The following AGBL3 variants were observed in gnomAD, a reference collection of about 807,000 sequenced individuals.
AGBL3 encodes AGBL carboxypeptidase 3, also known as cytosolic carboxypeptidase 3.
In AGBL3, 68 loss-of-function variants were observed where a neutral mutation model predicts 94.5. The ratio of observed to expected loss-of-function variants is 0.72; its 90% CI spans 0.59 to 0.88. The LOEUF is 0.88. Ranked by LOEUF, AGBL3 falls within the 40% of genes least tolerant of loss-of-function variation. AGBL3 has a pLI of 0.00. For synonymous variants in AGBL3, 354 were observed against 370.7 expected (o/e 0.95, Z 0.52); for missense variants, 934 against 1,103.8 (o/e 0.85, Z 2.18).
intron 12 of AGBL3, among the ~76,000 whole-genome samples, chr7:135,070,015 A>G (rs1819728682): frequency 6.6e-6 from 1 of 152,226 alleles, no homozygotes; most frequent in Admixed American, 6.5e-5. Flanking sequence ...AGAATCAAAT[A>G]GACACAATAA....
chr7:135,034,379 T>G lies in AGBL3; in HGVS notation c.788T>G (p.Ile263Ser). ...HIGWQRIGDQ[I>S]KYYRNNPGQD... ...GGCTGGCAGAGAATAGGAGACCAAA[T>G]CAAGTATTATAGGAACAACCCAGGC... The change falls in exon 7 of 17, where the codon ATC (isoleucine) becomes AGC (serine). Residue 263 changes from isoleucine (I) to serine (S), a missense_variant. This residue lies in a region of AGBL3 where 488 missense variants were observed against 563.6 expected (regional missense o/e 0.87). Transcript: ENST00000436302. 1 of 1,551,604 alleles carries G rather than the reference T, an allele frequency of 6.4e-7. No homozygotes were observed. The highest frequency in any genetic ancestry group is 8.7e-7 in the Non-Finnish European group (1 of 1,146,944).
chr7:135,101,344 T>G, intron 15 of AGBL3: 1 of 423,946 alleles, frequency 2.4e-6, no homozygotes, highest in Admixed American at 2.6e-5. Context: ...ATATCATCAT[T>G]AACATATCCT....
chr7:135,045,579 G>A lies in AGBL3; in HGVS notation c.1728+5G>A. 3 of 1,548,878 alleles carry A rather than the reference G, an allele frequency of 1.9e-6. No homozygotes were observed. The highest frequency in any genetic ancestry group is 2.6e-6 in the Non-Finnish European group (3 of 1,144,656). On this transcript the variant is annotated splice_donor_5th_base_variant and intron_variant, in intron 10 of 16. Transcript: ENST00000436302. ...TGTGATCCCGACCGGACCAAGGTAA[G>A]CAAAGTCCATTTGGTAATGCATCAG...
At chr7:135,102,736 C>G (rs538743085) in intron 15 of AGBL3, among the ~76,000 whole-genome samples, 7 of 151,676 alleles carry the variant, frequency 4.6e-5, no homozygotes, top group African/African-American at 9.7e-5. Context: ...AAAATTAACC[C>G]TAACCCTTGT....
chr7:135,093,508 AT>A lies in AGBL3; in HGVS notation c.2110+11720del, dbSNP rs543438753. 250 of 152,338 alleles carry A rather than the reference AT, an allele frequency of 1.6e-3. 2 individuals carry two copies. Among genetic ancestry groups the A allele is most frequent in the African/African-American group, 5.9e-3 (247 of 41,590 alleles). The allele number at this position is 152,338 out of a possible 1,614,324, so 9.4% of individuals were successfully genotyped here. The stretch of plus-strand genomic sequence containing the variant: ...AAATTAAGAAAACAATTCCATTTAC[AT>A]TAGCATCAAAAAGAACAAAATACTT... On this transcript the variant is annotated intron_variant, in intron 15 of 16. Transcript: ENST00000436302.
At chr7:135,060,251 C>G (rs1818706396) in intron 12 of AGBL3, among the ~76,000 whole-genome samples, 1 of 152,082 alleles carries the variant, frequency 6.6e-6, no homozygotes, top group South Asian at 2.1e-4. Flanking sequence ...TTTGTGTCAT[C>G]ATTCTTCAAT....
At chr7:135,096,795 A>AAAGAAAG (rs1822968399) in intron 15 of AGBL3, among the ~76,000 whole-genome samples, 6 of 123,540 alleles carry the variant, frequency 4.9e-5, no homozygotes, top group Non-Finnish European at 5.4e-5. Context: ...AAGAAAGAAA[A>AAAGAAAG]AGGGAAGAAG....
intron 16 of AGBL3, among the ~76,000 whole-genome samples, chr7:135,122,494 G>A (rs1418403869): frequency 6.6e-6 from 1 of 152,168 alleles, no homozygotes; most frequent in Non-Finnish European, 1.5e-5. Context: ...CCAGACAAGT[G>A]GGTTTCCCCC....
intron 11 of AGBL3, among the ~76,000 whole-genome samples, chr7:135,047,585 A>G (rs1468881558): frequency 1.3e-5 from 2 of 151,892 alleles, no homozygotes; most frequent in African/African-American, 2.4e-5. Context: ...GCATGAGGTG[A>G]TATCTCATTG....
intron 15 of AGBL3, among the ~76,000 whole-genome samples, chr7:135,106,170 CA>C (rs1014511348): frequency 2.0e-5 from 3 of 152,082 alleles, no homozygotes; most frequent in Non-Finnish European, 4.4e-5. Context: ...ATGTTGTCTG[CA>C]AACAGGCATA....
chr7:134,999,469 C>T (rs1310348498), intron 4 of AGBL3, among the ~76,000 whole-genome samples: 1 of 152,204 alleles, frequency 6.6e-6, no homozygotes. Flanking sequence ...TCAGCCCATG[C>T]CTACATTCCT....
intron 4 of AGBL3, among the ~76,000 whole-genome samples, chr7:134,996,717 G>A (rs987491594): frequency 1.3e-5 from 2 of 152,152 alleles, no homozygotes; most frequent in African/African-American, 4.8e-5. Flanking sequence ...AAACAGAACT[G>A]CATAAATATC....
intron 12 of AGBL3, among the ~76,000 whole-genome samples, chr7:135,061,863 G>A (rs868111629): frequency 5.9e-5 from 9 of 151,908 alleles, no homozygotes; most frequent in South Asian, 2.1e-4. Flanking sequence ...TGGCTAGTTC[G>A]GCTCCTTTGT....
chr7:135,101,391 G>C, intron 15 of AGBL3: 2 of 365,310 alleles, frequency 5.5e-6, no homozygotes, highest in Non-Finnish European at 1.1e-5. Flanking sequence ...TTTGTAAAAG[G>C]ATGAGATTGA....
intron 16 of AGBL3, among the ~76,000 whole-genome samples, chr7:135,131,407 G>A (rs1055707610): frequency 1.6e-4 from 24 of 151,608 alleles, no homozygotes; most frequent in Admixed American, 5.3e-4. Flanking sequence ...AAACCTGCAC[G>A]TTCTGCACAT....
intron 4 of AGBL3, among the ~76,000 whole-genome samples, chr7:135,001,599 C>T (rs1051235729): frequency 6.6e-6 from 1 of 152,146 alleles, no homozygotes; most frequent in Non-Finnish European, 1.5e-5. Flanking sequence ...TCATTAAGAC[C>T]TTTGATCCCA....
At chr7:135,133,881 C>T (rs983912150) in intron 16 of AGBL3, among the ~76,000 whole-genome samples, 2 of 151,740 alleles carry the variant, frequency 1.3e-5, no homozygotes, top group African/African-American at 2.4e-5. Context: ...GTCACAGACT[C>T]AGCAATTATA....
At position 135,058,289 on chromosome 7, in the gene AGBL3, A is replaced by G. The variant is rs188119948; in HGVS notation, c.1842-880A>G. On this transcript the variant is annotated intron_variant, in intron 11 of 16. Coordinates refer to ENST00000436302, the MANE Select transcript of AGBL3 (RefSeq NM_178563.4). ...TAAATTATATTAATTTTAAAATAATACATAAAAAATACAACCCAGAAATAT... is the reference window on the plus strand; with the variant it reads ...TAAATTATATTAATTTTAAAATAATGCATAAAAAATACAACCCAGAAATAT... Among the ~76,000 whole-genome samples, 13 of 152,256 alleles carry G rather than the reference A, an allele frequency of 8.5e-5. No homozygotes were observed. The East Asian group carries it at 2.5e-3, about 29-fold the overall frequency.
chr7:135,056,678 C>A (rs1179834967), intron 11 of AGBL3, among the ~76,000 whole-genome samples: 1 of 151,578 alleles, frequency 6.6e-6, no homozygotes, highest in Non-Finnish European at 1.5e-5. Context: ...ATTAAAGCTA[C>A]CAAAATATGT....
Sources: gnomAD v4.1 joint callset for allele counts (sites outside exome capture counted in the v4.1 genomes callset) on GRCh38, gnomAD v4.1.1 for gene constraint, gnomAD v4.1.1 regional missense constraint, MANE v1.5 for transcripts, NCBI Gene and HGNC (gene_info 2026-07-23, HGNC 2026-07-21) for gene names.